The following SYNE2 variants were observed in gnomAD, a reference collection of about 807,000 sequenced individuals.
SYNE2 encodes spectrin repeat containing nuclear envelope protein 2.
A neutral mutation model predicts 856.3 loss-of-function variants in SYNE2; 431 were observed. The ratio of observed to expected loss-of-function variants is 0.50; its 90% CI spans 0.47 to 0.55. The LOEUF (loss-of-function observed/expected upper bound fraction) is 0.55. Among genes scored for constraint, SYNE2 ranks in the 20% least tolerant of loss-of-function variants. SYNE2 has a pLI of 0.00. For missense variants in SYNE2, 8,129 were observed against 8,023.2 expected, an observed-to-expected ratio of 1.01 and a Z score of -0.50; for synonymous variants, 2,923 against 2,872.3, an observed-to-expected ratio of 1.02 and a Z score of -0.56.
chr14:64,159,441 A>G lies in SYNE2; in HGVS notation c.16093A>G (p.Arg5365Gly). 1 of 1,613,548 alleles carries G rather than the reference A, an allele frequency of 6.2e-7. No homozygotes were observed. The highest frequency in any genetic ancestry group is 1.1e-5 in the South Asian group (1 of 91,082). The change falls in exon 87 of 116, where the codon AGG becomes GGG. Residue 5365 changes from arginine to glycine, a missense_variant and splice_region_variant. Physicochemically the swap from Arg to Gly is moderately radical, Grantham distance 125 (BLOSUM62 -2). This residue lies in a region of SYNE2 where 5,410 missense variants were observed against 5,284.8 expected (regional missense o/e 1.02). Coordinates refer to ENST00000555002, the MANE Select transcript of SYNE2 (RefSeq NM_182914.3). Reference protein sequence around the residue: ...IEEKCQNTHKRWTQVNQAIAD... With the variant: ...IEEKCQNTHKGWTQVNQAIAD... ...AGAGAAATGCCAAAATACTCATAAA[A>G]GGTATGCTTTCAGATATAATTTGAA...
intron 99 of SYNE2, among the ~76,000 whole-genome samples, chr14:64,200,327 G>A (rs2098556513): frequency 6.6e-6 from 1 of 152,158 alleles, no homozygotes; most frequent in Non-Finnish European, 1.5e-5. Flanking sequence ...CTGTGCAGAG[G>A]TCACGAGCCT....
At chr14:63,901,831 G>A (rs1489796727) in intron 1 of SYNE2, among the ~76,000 whole-genome samples, 1 of 152,102 alleles carries the variant, frequency 6.6e-6, no homozygotes, top group Non-Finnish European at 1.5e-5. Flanking sequence ...GGACGAGGTG[G>A]GAGGATGACT....
At chr14:64,216,207 G>T in intron 107 of SYNE2, 41 bp from the exon 108 acceptor site, 1 of 1,613,072 alleles carries the variant, frequency 6.2e-7, no homozygotes. Context: ...GACCCGTTCA[G>T]TAGGAGAGAA....
In SYNE2 at chr14:63,961,605, G is replaced by C; in HGVS notation, c.868G>C (p.Gly290Arg). Reference protein sequence around the residue: ...QFLQYSKDAPGTGEEAQGKVK... With the variant: ...QFLQYSKDAPRTGEEAQGKVK... ...TCTGCAGTATTCCAAAGATGCCCCT[G>C]GGACTGGAGAGGAGGCTCAGGTATG... Residue 290 changes from glycine to arginine, a missense_variant, in exon 9 of 116, where the codon GGG becomes CGG. Physicochemically the swap from Gly to Arg is moderately radical, Grantham distance 125. Transcript: ENST00000555002. 6.2e-7 allele frequency: 1 copy of C among 1,613,848 alleles called. No homozygotes were observed.
chr14:64,146,173 C>T lies in SYNE2; in HGVS notation c.15589C>T (p.Gln5197Ter). ...EAQEERLKTL[Q>*]KPESVISVQK... ...ACAAGAAGAGAGACTGAAAACTTTA[C>T]AAAAACCTGAAAGTGTGATCTCAGT... Residue 5197 changes from glutamine (Q) to a stop codon, truncating the protein, a stop_gained, in exon 84 of 116, where the codon CAA becomes TAA. Transcript: ENST00000555002. LOFTEE classifies it high-confidence loss of function. 1 of 1,612,758 alleles carries T rather than the reference C, an allele frequency of 6.2e-7. No homozygotes were observed.
At chr14:64,085,593 A>C (rs1440920188) in intron 57 of SYNE2, among the ~76,000 whole-genome samples, 1 of 152,232 alleles carries the variant, frequency 6.6e-6, no homozygotes, top group Admixed American at 6.5e-5. Context: ...TAAACTGAGA[A>C]ATTGTTTTCC....
intron 50 of SYNE2, 142 bp downstream of exon 50, chr14:64,063,037 C>G (rs907402297): frequency 3.9e-6 from 4 of 1,018,716 alleles, no homozygotes; most frequent in Non-Finnish European, 6.0e-6. Context: ...TTCCTCAAAT[C>G]GAAAGCCAGA....
At chr14:63,913,691 G>A (rs1306719109) in intron 2 of SYNE2, among the ~76,000 whole-genome samples, 3 of 151,684 alleles carry the variant, frequency 2.0e-5, no homozygotes, top group Non-Finnish European at 4.4e-5. Context: ...TCTAACTCCT[G>A]ACCTCAAGTG....
At chr14:64,132,483 A>G in intron 77 of SYNE2, 45 bp downstream of exon 77, 4 of 1,610,366 alleles carry the variant, frequency 2.5e-6, no homozygotes, top group Admixed American at 1.7e-5. Flanking sequence ...GGAATTGCTG[A>G]TTTTCCATCA....
rs565502475 is a variant in SYNE2 at position 64,026,148 on chromosome 14, C to G, written c.6253-431C>G. Among the ~76,000 whole-genome samples, 10 of 152,100 alleles carry G rather than the reference C, an allele frequency of 6.6e-5. No homozygotes were observed. The East Asian group carries it at 1.5e-3, about 23-fold the overall frequency. ...GACGTTTTCCCAGAGAAAGTGAGAA[C>G]GAGAATTAATTATGTCATGGTAGAG... On this transcript the variant is annotated intron_variant, in intron 41 of 115. Coordinates refer to ENST00000555002, the MANE Select transcript of SYNE2 (RefSeq NM_182914.3).
chr14:64,083,177 C>T lies in SYNE2; in HGVS notation c.11484+1597C>T, dbSNP rs1284366150. Among the ~76,000 whole-genome samples, 5 of 152,014 alleles carry T rather than the reference C, an allele frequency of 3.3e-5. No homozygotes were observed. The East Asian group carries it at 5.8e-4, about 18-fold the overall frequency. ...GAATCGTTGGCATATTTTTTTCTTA[C>T]GGTAACAGTTGTAAAGATGCTGCAT... On this transcript the variant is annotated intron_variant, in intron 57 of 115. Coordinates refer to ENST00000555002, the MANE Select transcript of SYNE2 (RefSeq NM_182914.3).
chr14:63,945,383 C>A (rs948923267), intron 6 of SYNE2, among the ~76,000 whole-genome samples: 38 of 152,086 alleles, frequency 2.5e-4, no homozygotes, highest in African/African-American at 8.7e-4. Flanking sequence ...TAACACCATA[C>A]AAATGGAATT....
chr14:63,789,861 A>T (rs1595112043), intron 1 of SYNE2, among the ~76,000 whole-genome samples: 4 of 152,110 alleles, frequency 2.6e-5, no homozygotes, highest in African/African-American at 9.6e-5. Flanking sequence ...GAGTGTAGAG[A>T]TGAAAAAATT....
chr14:64,109,145 T>C (rs181093541), intron 65 of SYNE2, among the ~76,000 whole-genome samples: 1 of 151,966 alleles, frequency 6.6e-6, no homozygotes, highest in Non-Finnish European at 1.5e-5. Context: ...TTTTGACATC[T>C]AATTAAAAAT....
intron 1 of SYNE2, among the ~76,000 whole-genome samples, chr14:63,800,444 G>A (rs1054546630): frequency 3.3e-5 from 5 of 151,972 alleles, no homozygotes; most frequent in Non-Finnish European, 7.4e-5. Flanking sequence ...AGTACAGATG[G>A]GGTTTCTCTC....
intron 9 of SYNE2, among the ~76,000 whole-genome samples, chr14:63,962,481 C>G (rs1261647137): frequency 6.6e-6 from 1 of 152,162 alleles, no homozygotes; most frequent in Non-Finnish European, 1.5e-5. Flanking sequence ...TCAGGCAACC[C>G]TCACCATCAT....
intron 51 of SYNE2, among the ~76,000 whole-genome samples, chr14:64,069,010 G>C (rs1296771061): frequency 1.3e-5 from 2 of 152,186 alleles, no homozygotes; most frequent in African/African-American, 4.8e-5. Context: ...GGGAACAGGA[G>C]TGGTAGATGA....
chr14:63,793,321 C>T (rs1887799837), intron 1 of SYNE2, among the ~76,000 whole-genome samples: 1 of 152,218 alleles, frequency 6.6e-6, no homozygotes, highest in African/African-American at 2.4e-5. Context: ...GCCCAGACAA[C>T]TTTTGAGACC....
chr14:64,139,949 G>A lies in SYNE2; in HGVS notation c.14852G>A (p.Arg4951Lys), dbSNP rs1193329989. Reference sequence around the variant, plus strand: ...CACTTTGCTCCTGTTAGTTATAACAGAGATTCGGATCAGTTAACCAAGTGG... The same window carrying A: ...CACTTTGCTCCTGTTAGTTATAACAAAGATTCGGATCAGTTAACCAAGTGG... The part of the protein sequence containing the change: ...ALLKHLLSYN[R>K]DSDQLTKWLE... The change falls in exon 80 of 116, where the codon AGA (arginine) becomes AAA (lysine). Residue 4951 changes from arginine to lysine, a missense_variant. Arg to Lys is a conservative substitution (Grantham distance 26, BLOSUM62 2). This residue lies in a region of SYNE2 where 5,410 missense variants were observed against 5,284.8 expected (regional missense o/e 1.02). Coordinates refer to ENST00000555002, the MANE Select transcript of SYNE2 (RefSeq NM_182914.3). 6.2e-6 allele frequency: 10 copies of A among 1,614,044 alleles called. No individual in the cohort carries two copies. In the East Asian group the frequency reaches 2.0e-4, roughly 32 times the overall value.
Sources: gnomAD v4.1 joint callset for allele counts (sites outside exome capture counted in the v4.1 genomes callset) on GRCh38, gnomAD v4.1.1 for gene constraint, gnomAD v4.1.1 regional missense constraint, MANE v1.5 for transcripts, NCBI Gene and HGNC (gene_info 2026-07-23, HGNC 2026-07-21) for gene names.